Variants in BLTP1 observed in about 807,000 individuals in gnomAD.
The protein encoded by BLTP1 is fragile site-associated protein.
the BLTP1 span, chr4:122,244,680 C>A: frequency 2.1e-6 from 2 of 962,090 alleles, no homozygotes; most frequent in Non-Finnish European, 2.5e-6. Flanking sequence ...CCTTTTCCTG[C>A]AAAAGCACAT....
chr4:122,246,536 T>G, the BLTP1 span: 1 of 1,085,736 alleles, frequency 9.2e-7, no homozygotes, highest in African/African-American at 1.6e-5. Flanking sequence ...ATGATTATTT[T>G]ATGAGAATCT....
chr4:122,332,859 C>G, the BLTP1 span, among the ~76,000 whole-genome samples: 18 of 119,404 alleles, frequency 1.5e-4, no homozygotes, highest in Non-Finnish European at 2.6e-4. Context: ...CAATTCCCAC[C>G]TATGAGTGAG....
the BLTP1 span, chr4:122,181,233 A>T: frequency 1.1e-6 from 1 of 940,342 alleles, no homozygotes; most frequent in Non-Finnish European, 1.3e-6. Context: ...AACAAATTAG[A>T]TGCGTTCTTT....
the BLTP1 span, chr4:122,272,101 T>C: frequency 6.4e-7 from 1 of 1,558,798 alleles, no homozygotes; most frequent in East Asian, 2.3e-5. Flanking sequence ...ATGTTTGGAA[T>C]GTCCTTCCAT....
chr4:122,238,274 C>T, the BLTP1 span: 2 of 1,614,088 alleles, frequency 1.2e-6, no homozygotes, highest in Non-Finnish European at 1.7e-6. Flanking sequence ...AAAGGAAAGT[C>T]CTTCATCTGT....
chr4:122,233,992 A>C, the BLTP1 span, among the ~76,000 whole-genome samples: 1 of 152,126 alleles, frequency 6.6e-6, no homozygotes, highest in African/African-American at 2.4e-5. Context: ...GGTCTTGAGA[A>C]TCCAAGGTGA....
chr4:122,186,217 T>A, the BLTP1 span: 1 of 1,610,258 alleles, frequency 6.2e-7, no homozygotes, highest in Admixed American at 1.7e-5. Flanking sequence ...AATCGAAAAT[T>A]GAAAGGTTCA....
the BLTP1 span, chr4:122,181,097 A>G: frequency 4.9e-5 from 8 of 163,480 alleles, no homozygotes; most frequent in African/African-American, 1.7e-4. Flanking sequence ...TTTCCAAAAG[A>G]CAGTCTTTAT....
chr4:122,154,728 C>T, the BLTP1 span, among the ~76,000 whole-genome samples: 1,283 of 152,108 alleles, frequency 8.4e-3, 19 homozygotes, highest in African/African-American at 0.029. Flanking sequence ...AAAAATTTAG[C>T]GGACGTGGTG....
the BLTP1 span, chr4:122,325,474 G>C: frequency 1.0e-6 from 1 of 984,406 alleles, no homozygotes; most frequent in Non-Finnish European, 1.2e-6. Flanking sequence ...CAAGTAGTGG[G>C]CACTGCCCTT....
chr4:122,250,293 A>G, the BLTP1 span: 2 of 1,456,644 alleles, frequency 1.4e-6, no homozygotes, highest in Non-Finnish European at 1.9e-6. Flanking sequence ...TTTTATACAG[A>G]TATTGTAGAG....
At chr4:122,207,408 T>A in the BLTP1 span, 1 of 1,430,288 alleles carries the variant, frequency 7.0e-7, no homozygotes, top group Middle Eastern at 2.6e-4. Flanking sequence ...CAGAAGACTG[T>A]TTCAGAGTTT....
At chr4:122,316,560 CTAAA>C in the BLTP1 span, 1 of 853,848 alleles carries the variant, frequency 1.2e-6, no homozygotes, top group Non-Finnish European at 1.9e-6. Context: ...TAGGTAGCAA[CTAAA>C]TAGATTCCTT....
the BLTP1 span, among the ~76,000 whole-genome samples, chr4:122,355,051 A>G: frequency 6.6e-6 from 1 of 152,044 alleles, no homozygotes; most frequent in Non-Finnish European, 1.5e-5. Context: ...TTGAATAGAG[A>G]CTGTTAAAAA....
chr4:122,187,279 C>A, the BLTP1 span: 7 of 1,374,930 alleles, frequency 5.1e-6, no homozygotes, highest in Non-Finnish European at 6.6e-6. Flanking sequence ...AGTATTCCTT[C>A]AGATGATCAT....
the BLTP1 span, among the ~76,000 whole-genome samples, chr4:122,201,647 GA>G: frequency 6.6e-6 from 1 of 152,204 alleles, no homozygotes; most frequent in Non-Finnish European, 1.5e-5. Context: ...CATATTTTGT[GA>G]CTATAAGAAC....
the BLTP1 span, among the ~76,000 whole-genome samples, chr4:122,302,586 C>G: frequency 1.3e-5 from 2 of 152,192 alleles, no homozygotes; most frequent in African/African-American, 2.4e-5. Context: ...CTCTCACTTT[C>G]AATCAAAAGC....
the BLTP1 span, chr4:122,318,090 A>G: frequency 1.3e-6 from 2 of 1,534,156 alleles, no homozygotes; most frequent in Non-Finnish European, 1.8e-6. Context: ...GCAAGTAAAA[A>G]ATCAGTCTTA....
At chr4:122,331,625 T>C in the BLTP1 span, 1,321 of 1,475,668 alleles carry the variant, frequency 9.0e-4, 6 homozygotes, top group African/African-American at 0.015. Flanking sequence ...AACAAACTTC[T>C]CCATCCCAAA....
Sources: allele counts gnomAD v4.1 joint callset (sites outside exome capture counted in the v4.1 genomes callset), GRCh38; gene constraint gnomAD v4.1.1; transcripts MANE v1.5; gene names NCBI Gene and HGNC (gene_info 2026-07-23, HGNC 2026-07-21).